SLIT1: variants seen among roughly 807,000 people sequenced by gnomAD.
SLIT1 encodes slit guidance ligand 1.
Under a neutral mutation model 186.1 loss-of-function variants are expected in SLIT1, and 66 were observed. The observed-to-expected ratio is 0.35, with a 90% CI of 0.29 to 0.44. The LOEUF is 0.44. SLIT1 is among the 20% of genes least tolerant of loss of function. SLIT1 has a pLI of 1.00. For missense variants in SLIT1, 1,638 were observed against 2,037.4 expected, an observed-to-expected ratio of 0.80 and a Z score of 3.77; for synonymous variants, 761 against 833.8, an observed-to-expected ratio of 0.91 and a Z score of 1.50.
At position 97,002,729 on chromosome 10, in the gene SLIT1, C is replaced by T. The variant is rs371150881; in HGVS notation, c.4129G>A (p.Ala1377Thr). The T allele has an allele frequency of 2.2e-5, 35 of 1,589,156 alleles. No individual in the cohort carries two copies. The highest frequency in any genetic ancestry group is 1.1e-4 in the East Asian group (5 of 44,368). ...GWVGLHCDQP[A>T]DGPCHGHKCV... ...TTGTGGCCATGGCAGGGGCCGTCAG[C>T]GGGCTGGTCACAGTGCAGGCCCACC... Residue 1377 changes from alanine (A) to threonine (T), a missense_variant, in exon 35 of 37, where the codon GCT becomes ACT. Transcript: ENST00000266058.
At chr10:97,053,771 G>T (rs1043117037) in intron 13 of SLIT1, among the ~76,000 whole-genome samples, 2 of 152,080 alleles carry the variant, frequency 1.3e-5, no homozygotes, top group Non-Finnish European at 1.5e-5. Context: ...TTTTCCTTAC[G>T]TGGAAACATT....
At chr10:97,150,274 T>A (rs1241559539) in intron 4 of SLIT1, among the ~76,000 whole-genome samples, 3 of 152,090 alleles carry the variant, frequency 2.0e-5, no homozygotes, top group Admixed American at 6.5e-5. Context: ...TTGCCTTGGG[T>A]AATTTCCCTC....
intron 12 of SLIT1, 59 bp downstream of exon 12, chr10:97,057,151 C>T: frequency 7.2e-7 from 1 of 1,390,666 alleles, no homozygotes; most frequent in East Asian, 2.3e-5. Context: ...GTCTAGCAGG[C>T]CAGAGGAAAG....
chr10:97,143,637 T>C (rs17112452), intron 4 of SLIT1, among the ~76,000 whole-genome samples: 28,637 of 151,404 alleles, frequency 0.19, 3,636 homozygotes, highest in African/African-American at 0.36. Flanking sequence ...AAAGCCACTA[T>C]TGATGAGAGG....
intron 4 of SLIT1, chr10:97,101,259 C>CT (rs1179207153): frequency 6.6e-6 from 1 of 152,198 alleles, no homozygotes; most frequent in Non-Finnish European, 1.5e-5. Flanking sequence ...GCTCCTCTTC[C>CT]TATTGGATGG....
intron 4 of SLIT1, among the ~76,000 whole-genome samples, chr10:97,119,939 A>ATATATATATATATATATG (rs1292491658): frequency 1.6e-4 from 22 of 136,698 alleles, no homozygotes; most frequent in Non-Finnish European, 3.2e-4. Context: ...ATATATATAT[A>ATATATATATATATATATG]TATATATGTA....
At chr10:97,001,478 C>A in intron 36 of SLIT1, 128 bp from the exon 37 acceptor site, 2 of 693,148 alleles carry the variant, frequency 2.9e-6, no homozygotes, top group Non-Finnish European at 5.0e-6. Context: ...GCTCTCAGAC[C>A]CCACCTCTGT....
At chr10:97,018,787 GTTAC>G (rs1220406616) in intron 27 of SLIT1, 104 bp from the exon 28 acceptor site, 3 of 720,546 alleles carry the variant, frequency 4.2e-6, no homozygotes, top group African/African-American at 1.8e-5. Context: ...TGTCCCAGGA[GTTAC>G]TTGTTTTCAT....
chr10:97,049,326 G>A (rs1848767325), intron 13 of SLIT1, among the ~76,000 whole-genome samples: 1 of 152,176 alleles, frequency 6.6e-6, no homozygotes, highest in South Asian at 2.1e-4. Context: ...CGCACTACAG[G>A]TGAAGGGTCT....
At chr10:97,059,728 G>T (rs1848874431) in intron 10 of SLIT1, among the ~76,000 whole-genome samples, 197 bp from the exon 11 acceptor site, 1 of 152,220 alleles carries the variant, frequency 6.6e-6, no homozygotes, top group Non-Finnish European at 1.5e-5. Context: ...GGCTGGGCAG[G>T]AGGGGGCACT....
chr10:97,143,282 T>C (rs1589409572), intron 4 of SLIT1, among the ~76,000 whole-genome samples: 1 of 152,204 alleles, frequency 6.6e-6, no homozygotes, highest in East Asian at 1.9e-4. Flanking sequence ...ATACATATAA[T>C]GGCATACTAT....
chr10:97,179,536 G>T (rs904780777), intron 1 of SLIT1, among the ~76,000 whole-genome samples: 1 of 152,190 alleles, frequency 6.6e-6, no homozygotes, highest in African/African-American at 2.4e-5. Context: ...AAGATCTCTC[G>T]GTAGGTGATG....
At chr10:97,050,142 C>A (rs1482762660) in intron 13 of SLIT1, among the ~76,000 whole-genome samples, 2 of 152,170 alleles carry the variant, frequency 1.3e-5, no homozygotes. Context: ...GAGCGAAACT[C>A]TGTCTCGAAA....
chr10:97,069,424 C>T (rs552616942), intron 4 of SLIT1, among the ~76,000 whole-genome samples: 2 of 152,354 alleles, frequency 1.3e-5, no homozygotes, highest in East Asian at 3.9e-4. Context: ...CAATCCTTCA[C>T]CCCAGAAATG....
chr10:97,090,381 C>T (rs181789199), intron 4 of SLIT1, among the ~76,000 whole-genome samples: 9 of 151,300 alleles, frequency 5.9e-5, no homozygotes, highest in Non-Finnish European at 1.3e-4. Flanking sequence ...GCACAAAGGC[C>T]GTGAGGTGGG....
intron 4 of SLIT1, among the ~76,000 whole-genome samples, chr10:97,125,533 CAA>C (rs34143370): frequency 1.5e-3 from 176 of 115,514 alleles, no homozygotes; most frequent in Middle Eastern, 4.8e-3. Context: ...GACCCTGTGT[CAA>C]AAAAAAAAAA....
At chr10:97,172,617 T>C (rs1850205057) in intron 1 of SLIT1, among the ~76,000 whole-genome samples, 1 of 152,182 alleles carries the variant, frequency 6.6e-6, no homozygotes, top group South Asian at 2.1e-4. Context: ...ACACACACAT[T>C]AAGAAATGCT....
chr10:97,064,326 T>C, intron 6 of SLIT1, 87 bp from the exon 7 acceptor site: 4 of 1,100,688 alleles, frequency 3.6e-6, no homozygotes, highest in Non-Finnish European at 5.5e-6. Context: ...ACAGGGAGGC[T>C]CTCGACCTTA....
At chr10:97,117,172 T>A (rs183409917) in intron 4 of SLIT1, among the ~76,000 whole-genome samples, 105 of 152,186 alleles carry the variant, frequency 6.9e-4, no homozygotes, top group African/African-American at 2.4e-3. Flanking sequence ...AGAAAAACAC[T>A]TGACATGAAG....
Sources: gnomAD v4.1 joint callset for allele counts (sites outside exome capture counted in the v4.1 genomes callset) on GRCh38, gnomAD v4.1.1 for gene constraint, MANE v1.5 for transcripts, NCBI Gene and HGNC (gene_info 2026-07-23, HGNC 2026-07-21) for gene names.